The following DRC11 variants were observed in gnomAD, a reference collection of about 807,000 sequenced individuals.
DRC11 encodes IQ and AAA domain-containing protein 1.
At chr2:236,357,653 T>TA in the DRC11 span, among the ~76,000 whole-genome samples, 103 of 96,172 alleles carry the variant, frequency 1.1e-3, no homozygotes, top group African/African-American at 4.5e-3. Flanking sequence ...AATATATAAA[T>TA]TATATTCATA....
chr2:236,378,669 C>A, the DRC11 span, among the ~76,000 whole-genome samples: 3 of 146,502 alleles, frequency 2.0e-5, no homozygotes, highest in Non-Finnish European at 4.5e-5. Flanking sequence ...AGCGAGACTC[C>A]GTCTCAAAAA....
the DRC11 span, chr2:236,497,304 G>A: frequency 6.2e-7 from 1 of 1,613,920 alleles, no homozygotes; most frequent in Non-Finnish European, 8.5e-7. This position sits in a 1 kb window ranked among gnomAD's most constrained non-coding sequence, Gnocchi z 5.1. Flanking sequence ...GTTTCTGGGG[G>A]TGGACGAACT....
the DRC11 span, chr2:236,368,915 A>G: frequency 6.6e-6 from 1 of 152,332 alleles, no homozygotes; most frequent in African/African-American, 2.4e-5. Flanking sequence ...GTTTAATTAG[A>G]AGATATCAAA....
the DRC11 span, among the ~76,000 whole-genome samples, chr2:236,376,689 C>T: frequency 6.6e-6 from 1 of 152,150 alleles, no homozygotes; most frequent in Non-Finnish European, 1.5e-5. This position sits in a 1 kb window ranked among gnomAD's most constrained non-coding sequence, Gnocchi z 5.7. Context: ...ATTTGTGTCT[C>T]TATTGGAAGG....
chr2:236,400,676 G>A, the DRC11 span, among the ~76,000 whole-genome samples: 1 of 152,122 alleles, frequency 6.6e-6, no homozygotes, highest in East Asian at 1.9e-4. The surrounding 1 kb of genome is among the most constrained non-coding windows in gnomAD (Gnocchi z 7.9). Flanking sequence ...TGGGTGGCGC[G>A]GGCGTGCCTC....
At chr2:236,432,589 G>GT in the DRC11 span, among the ~76,000 whole-genome samples, 1 of 152,062 alleles carries the variant, frequency 6.6e-6, no homozygotes, top group Admixed American at 6.6e-5. Context: ...TCCTTTTGCT[G>GT]TTTTTTGTAT....
the DRC11 span, among the ~76,000 whole-genome samples, chr2:236,387,574 T>C: frequency 6.6e-6 from 1 of 152,148 alleles, no homozygotes; most frequent in African/African-American, 2.4e-5. Flanking sequence ...GTGAGATGGG[T>C]TTCCTGAATA....
chr2:236,362,708 A>AT, the DRC11 span, among the ~76,000 whole-genome samples: 1 of 152,168 alleles, frequency 6.6e-6, no homozygotes, highest in Non-Finnish European at 1.5e-5. This position sits in a 1 kb window ranked among gnomAD's most constrained non-coding sequence, Gnocchi z 5.7. Context: ...CTGTAGGTAA[A>AT]TGACTTGAAT....
the DRC11 span, among the ~76,000 whole-genome samples, chr2:236,384,602 T>C: frequency 1.3e-5 from 2 of 152,168 alleles, no homozygotes; most frequent in African/African-American, 4.8e-5. Context: ...TTCTCCCATT[T>C]CGTAGGTTGC....
the DRC11 span, among the ~76,000 whole-genome samples, chr2:236,464,448 T>C: frequency 1.3e-5 from 2 of 152,170 alleles, no homozygotes; most frequent in African/African-American, 2.4e-5. Flanking sequence ...TGAAATAAAA[T>C]TGATTTAAAA....
At chr2:236,503,566 G>A in the DRC11 span, 2 of 1,415,262 alleles carry the variant, frequency 1.4e-6, no homozygotes, top group Middle Eastern at 1.7e-4. This position sits in a 1 kb window ranked among gnomAD's most constrained non-coding sequence, Gnocchi z 4.9. Flanking sequence ...GGGAGACCAG[G>A]CAAAGATTCC....
the DRC11 span, among the ~76,000 whole-genome samples, chr2:236,431,659 C>T: frequency 6.6e-6 from 1 of 152,180 alleles, no homozygotes; most frequent in Admixed American, 6.5e-5. The surrounding 1 kb of genome is among the most constrained non-coding windows in gnomAD (Gnocchi z 4.2). Flanking sequence ...AATGGAATAA[C>T]AAAATACATT....
the DRC11 span, among the ~76,000 whole-genome samples, chr2:236,385,473 GGT>G: frequency 5.1e-4 from 63 of 124,480 alleles, no homozygotes; most frequent in Non-Finnish European, 9.2e-4. Context: ...GTCTGTTGTT[GGT>G]GTATAAGAAT....
At chr2:236,343,681 C>T in the DRC11 span, 34 of 1,295,040 alleles carry the variant, frequency 2.6e-5, no homozygotes, top group Non-Finnish European at 3.3e-5. The surrounding 1 kb of genome is among the most constrained non-coding windows in gnomAD (Gnocchi z 6.6). Context: ...CCCGGTCATT[C>T]CTGCCATCCA....
the DRC11 span, among the ~76,000 whole-genome samples, chr2:236,476,154 G>A: frequency 2.0e-5 from 3 of 151,888 alleles, no homozygotes; most frequent in African/African-American, 7.3e-5. The surrounding 1 kb of genome is among the most constrained non-coding windows in gnomAD (Gnocchi z 4.7). Flanking sequence ...TAAATTTCTT[G>A]GGTAGTATTC....
chr2:236,376,978 G>A, the DRC11 span: 1 of 624,488 alleles, frequency 1.6e-6, no homozygotes, highest in Non-Finnish European at 2.9e-6. The surrounding 1 kb of genome is among the most constrained non-coding windows in gnomAD (Gnocchi z 5.7). Context: ...CATTTACCAG[G>A]AGCCACCATC....
chr2:236,457,935 G>T, the DRC11 span, among the ~76,000 whole-genome samples: 1 of 152,158 alleles, frequency 6.6e-6, no homozygotes, highest in African/African-American at 2.4e-5. This position sits in a 1 kb window ranked among gnomAD's most constrained non-coding sequence, Gnocchi z 4.7. Flanking sequence ...CAATTCAATA[G>T]CAAACCAATA....
At chr2:236,502,079 A>G in the DRC11 span, among the ~76,000 whole-genome samples, 1 of 152,182 alleles carries the variant, frequency 6.6e-6, no homozygotes, top group Non-Finnish European at 1.5e-5. Context: ...ACCAACAAAA[A>G]AAGAATGACG....
At chr2:236,483,720 T>TA in the DRC11 span, among the ~76,000 whole-genome samples, 3 of 152,222 alleles carry the variant, frequency 2.0e-5, no homozygotes, top group Non-Finnish European at 4.4e-5. This position sits in a 1 kb window ranked among gnomAD's most constrained non-coding sequence, Gnocchi z 4.8. Context: ...AAATGTAAAC[T>TA]ATTCTAAAAC....
Sources: gnomAD v4.1 joint callset for allele counts (sites outside exome capture counted in the v4.1 genomes callset) on GRCh38, gnomAD v4.1.1 for gene constraint, Gnocchi (gnomAD v3.1) non-coding constraint, MANE v1.5 for transcripts, NCBI Gene and HGNC (gene_info 2026-07-23, HGNC 2026-07-21) for gene names.